The following INPP4B variants were observed in gnomAD, a reference collection of about 807,000 sequenced individuals.
INPP4B encodes the protein inositol polyphosphate 4-phosphatase type II.
Under a neutral mutation model 122.5 loss-of-function variants are expected in INPP4B, and 55 were observed. The ratio of observed to expected loss-of-function variants is 0.45; its 90% confidence interval spans 0.36 to 0.56. INPP4B has a LOEUF of 0.56. INPP4B is among the 20% of genes least tolerant of loss of function. The probability of loss-of-function intolerance (pLI) is 0.00; values close to 1 mark genes in which losing one functional copy is unlikely to be tolerated. For synonymous variants in INPP4B, 403 were observed against 388.7 expected, an observed-to-expected ratio of 1.04 and a Z score of -0.43; for missense variants, 1,000 against 1,097.7, an observed-to-expected ratio of 0.91 and a Z score of 1.26.
intron 2 of INPP4B, among the ~76,000 whole-genome samples, chr4:142,658,957 C>T (rs1405845541): frequency 6.6e-6 from 1 of 152,148 alleles, no homozygotes; most frequent in Non-Finnish European, 1.5e-5. Flanking sequence ...ATCTGAGACT[C>T]CTTGTGGAAC....
chr4:142,535,609 A>C (rs1196774355), intron 2 of INPP4B, among the ~76,000 whole-genome samples: 5 of 152,190 alleles, frequency 3.3e-5, no homozygotes, highest in Non-Finnish European at 7.3e-5. Context: ...CACTTACTTC[A>C]AGGGATTGTG....
chr4:142,660,573 T>C (rs1168898788), intron 2 of INPP4B, among the ~76,000 whole-genome samples: 2 of 152,142 alleles, frequency 1.3e-5, no homozygotes, highest in East Asian at 3.9e-4. Flanking sequence ...CTGAAACTGG[T>C]TGCCTTAGGA....
At chr4:142,283,204 A>AT (rs1274872157) in intron 9 of INPP4B, among the ~76,000 whole-genome samples, 1 of 152,006 alleles carries the variant, frequency 6.6e-6, no homozygotes, top group Non-Finnish European at 1.5e-5. Context: ...GACTACATGG[A>AT]TTTTTCCCTC....
intron 2 of INPP4B, among the ~76,000 whole-genome samples, chr4:142,656,686 G>A (rs1754206393): frequency 6.6e-6 from 1 of 152,146 alleles, no homozygotes; most frequent in Non-Finnish European, 1.5e-5. Flanking sequence ...TTGTCTCCCT[G>A]GTGGAGGAAC....
intron 2 of INPP4B, among the ~76,000 whole-genome samples, chr4:142,643,921 C>T (rs886992040): frequency 1.3e-5 from 2 of 152,118 alleles, no homozygotes; most frequent in Non-Finnish European, 2.9e-5. Flanking sequence ...ATATCTGGAG[C>T]TGGGTGCAGT....
At chr4:142,278,568 G>A (rs1561722128) in intron 9 of INPP4B, among the ~76,000 whole-genome samples, 4 of 151,892 alleles carry the variant, frequency 2.6e-5, no homozygotes, top group Admixed American at 2.0e-4. Context: ...TCTGATTGGA[G>A]AAGCTATGAT....
At chr4:142,251,622 T>C (rs1226821016) in intron 11 of INPP4B, among the ~76,000 whole-genome samples, 1 of 152,208 alleles carries the variant, frequency 6.6e-6, no homozygotes, top group Non-Finnish European at 1.5e-5. Flanking sequence ...CCCATCTCAT[T>C]TGGCTGTAGG....
chr4:142,333,133 G>A (rs1239648907), intron 7 of INPP4B, among the ~76,000 whole-genome samples: 1 of 152,090 alleles, frequency 6.6e-6, no homozygotes, highest in Admixed American at 6.6e-5. Flanking sequence ...TCCGATCACA[G>A]GTGCTGAGCA....
chr4:142,262,204 A>G (rs1740411386), intron 10 of INPP4B, among the ~76,000 whole-genome samples: 1 of 152,182 alleles, frequency 6.6e-6, no homozygotes, highest in Admixed American at 6.5e-5. Context: ...AATGAATAAT[A>G]ACTACTTATT....
intron 2 of INPP4B, among the ~76,000 whole-genome samples, chr4:142,586,339 AACAACAACG>A (rs1447370692): frequency 6.6e-6 from 1 of 151,978 alleles, no homozygotes; most frequent in East Asian, 1.9e-4. Context: ...CAAAAACAAC[AACAACAACG>A]ACAACAACAA....
At chr4:142,464,697 A>T (rs1817427713) in intron 2 of INPP4B, among the ~76,000 whole-genome samples, 2 of 152,156 alleles carry the variant, frequency 1.3e-5, no homozygotes, top group African/African-American at 4.8e-5. Context: ...CCATCTGCTT[A>T]CTACTAAACT....
intron 15 of INPP4B, among the ~76,000 whole-genome samples, chr4:142,174,394 C>T (rs1827037712): frequency 6.6e-6 from 1 of 151,974 alleles, no homozygotes; most frequent in Non-Finnish European, 1.5e-5. Context: ...CTAACATTTC[C>T]CCCCATGTTA....
At chr4:142,827,024 T>C (rs1781537555) in intron 1 of INPP4B, among the ~76,000 whole-genome samples, 2 of 152,220 alleles carry the variant, frequency 1.3e-5, no homozygotes, top group South Asian at 4.1e-4. Context: ...CACTGTAGAA[T>C]GCAAATCAGG....
At chr4:142,330,202 T>C (rs925006579) in intron 7 of INPP4B, among the ~76,000 whole-genome samples, 1 of 152,182 alleles carries the variant, frequency 6.6e-6, no homozygotes, top group African/African-American at 2.4e-5. Flanking sequence ...CAAATAATGA[T>C]GCATGTGTGG....
intron 1 of INPP4B, among the ~76,000 whole-genome samples, chr4:142,740,631 G>A (rs887093021): frequency 1.3e-5 from 2 of 151,636 alleles, no homozygotes; most frequent in South Asian, 2.1e-4. Flanking sequence ...TTTTAGTCTT[G>A]TAAAAGATGA....
intron 3 of INPP4B, among the ~76,000 whole-genome samples, chr4:142,439,114 G>A (rs1811164111): frequency 6.6e-6 from 1 of 152,048 alleles, no homozygotes; most frequent in African/African-American, 2.4e-5. Context: ...AGGTCCTCAG[G>A]GAAGCCATGT....
At chr4:142,283,903 G>A (rs1752331459) in intron 9 of INPP4B, among the ~76,000 whole-genome samples, 3 of 152,152 alleles carry the variant, frequency 2.0e-5, no homozygotes, top group African/African-American at 7.2e-5. Context: ...ATAGTGATGA[G>A]GAGCAACCAG....
At chr4:142,258,661 C>G (rs13139763) in intron 11 of INPP4B, among the ~76,000 whole-genome samples, 1 of 151,030 alleles carries the variant, frequency 6.6e-6, no homozygotes, top group Non-Finnish European at 1.5e-5. Flanking sequence ...GAGATACCAT[C>G]TCACACCAGT....
chr4:142,185,225 GTGGA>G (rs940484111), intron 15 of INPP4B, among the ~76,000 whole-genome samples: 1 of 152,090 alleles, frequency 6.6e-6, no homozygotes, highest in African/African-American at 2.4e-5. Flanking sequence ...GAACAGTGGG[GTGGA>G]TGGTCATACC....
Sources: allele counts gnomAD v4.1 joint callset (sites outside exome capture counted in the v4.1 genomes callset), GRCh38; gene constraint gnomAD v4.1.1; transcripts MANE v1.5; gene names NCBI Gene and HGNC (gene_info 2026-07-23, HGNC 2026-07-21).